FBH1: variants seen among roughly 807,000 people sequenced by gnomAD.
FBH1 encodes DNA 3'-5' helicase 1.
In FBH1, 43 loss-of-function variants were observed where a neutral mutation model predicts 115.5. The observed-to-expected ratio is 0.37, with a 90% CI of 0.29 to 0.48. FBH1 has a LOEUF of 0.48. Among genes scored for constraint, FBH1 ranks in the 20% least tolerant of loss-of-function variants. FBH1 has a pLI of 0.99. For synonymous variants in FBH1, 524 were observed against 507.8 expected (o/e 1.03, Z -0.43); for missense variants, 1,001 against 1,337.3 (o/e 0.75, Z 3.92).
intron 3 of FBH1, among the ~76,000 whole-genome samples, chr10:5,908,573 A>G (rs1442328215): frequency 6.7e-6 from 1 of 150,094 alleles, no homozygotes; most frequent in African/African-American, 2.4e-5. Flanking sequence ...AAGGTTATCT[A>G]TGTGTTTGTG....
intron 18 of FBH1, among the ~76,000 whole-genome samples, chr10:5,926,110 CTTATTCTTCTTA>C (rs1039891756): frequency 5.9e-4 from 75 of 127,532 alleles, no homozygotes; most frequent in Non-Finnish European, 1.1e-3. Context: ...TATTCTTATT[CTTATTCTTCTTA>C]TTATTATTAT....
chr10:5,894,562 T>C (rs1035776056), intron 1 of FBH1: 1 of 802,266 alleles, frequency 1.2e-6, no homozygotes, highest in Non-Finnish European at 2.3e-6. Flanking sequence ...GTAGGATTGC[T>C]TTGAGGGTCA....
At position 5,903,172 on chromosome 10, in the gene FBH1, A is replaced by T; in HGVS notation, c.154A>T (p.Arg52Trp). The change falls in exon 2 of 21, where the codon AGG becomes TGG. Residue 52 changes from arginine to tryptophan, a missense_variant. Coordinates refer to ENST00000362091, the MANE Select transcript of FBH1 (RefSeq NM_178150.3). Reference sequence around the variant, plus strand: ...TAAACCGAGAACAAAAAGAGGGAGTAGGGGTATGTCTCCTCTAAAACTCTT... The same window carrying T: ...TAAACCGAGAACAAAAAGAGGGAGTTGGGGTATGTCTCCTCTAAAACTCTT... ...YPKPRTKRGS[R>W]GQGSQRCIPE... 6.2e-7 allele frequency: 1 copy of T among 1,608,610 alleles called. No individual in the cohort carries two copies. The highest frequency in any genetic ancestry group is 8.5e-7 in the Non-Finnish European group (1 of 1,177,268).
At position 5,905,933 on chromosome 10, in the gene FBH1, C is replaced by A. The variant is rs960083843; in HGVS notation, c.158-104C>A. 5 of 777,304 alleles carry A rather than the reference C, an allele frequency of 6.4e-6. No homozygotes were observed. The African/African-American group carries it at 6.9e-5, about 11-fold the overall frequency. 48.2% of individuals were successfully genotyped at this position (777,304 alleles called of 1,614,324 possible). ...ATAAATGTGTTTTTATCTCTTTCCACTATTAACATAGATAATTGAAAATTA... is the reference window on the plus strand; with the variant it reads ...ATAAATGTGTTTTTATCTCTTTCCAATATTAACATAGATAATTGAAAATTA... On this transcript the variant is annotated intron_variant, in intron 2 of 20. Coordinates refer to ENST00000362091, the MANE Select transcript of FBH1 (RefSeq NM_178150.3).
At chr10:5,898,401 C>T (rs1027808158) in intron 1 of FBH1, among the ~76,000 whole-genome samples, 1 of 151,914 alleles carries the variant, frequency 6.6e-6, no homozygotes, top group Non-Finnish European at 1.5e-5. Context: ...TTATCACTTC[C>T]TAGAACCGCA....
rs1831387860 is a variant in FBH1, at chr10:5,908,997, A to G, written c.826A>G (p.Ile276Val). Residue 276 changes from isoleucine (I) to valine (V), a missense_variant, in exon 4 of 21, where the codon ATC becomes GTC. Ile to Val is a conservative substitution (Grantham distance 29). Coordinates refer to ENST00000362091, the MANE Select transcript of FBH1 (RefSeq NM_178150.3). ...GCAAGCTGTCAGCAAAGTGGACGGC[A>G]TCCTGTCTAACTGTGGCATAGAAAA... ...EEQAVSKVDG[I>V]LSNCGIEKES... 1.9e-6 allele frequency: 3 copies of G among 1,614,098 alleles called. No homozygotes were observed. The highest frequency in any genetic ancestry group is 1.7e-5 in the Admixed American group (1 of 60,008).
At chr10:5,905,034 T>G (rs923424217) in intron 2 of FBH1, among the ~76,000 whole-genome samples, 32 of 152,226 alleles carry the variant, frequency 2.1e-4, no homozygotes, top group African/African-American at 7.0e-4. Context: ...TTTGAAAATG[T>G]TCCCTATGTT....
Position 5,914,296 on chromosome 10 carries a change from AG to A in FBH1, c.1396+29del, listed in dbSNP as rs753073714. ...TAAGGGAGCCCACATCAGGTTCACG[AG>A]GTGGTGGTTTTCTGCCTTTTCTCCC... On this transcript the variant is annotated intron_variant, in intron 8 of 20. Transcript: ENST00000362091. The surrounding 1 kb of genome is among the most constrained non-coding windows in gnomAD (Gnocchi z 5.2). The A allele has an allele frequency of 3.7e-6, 6 of 1,606,076 alleles. No individual in the cohort carries two copies. The highest frequency in any genetic ancestry group is 4.3e-6 in the Non-Finnish European group (5 of 1,172,698).
chr10:5,900,215 G>A lies in FBH1; in HGVS notation c.2-2805G>A, dbSNP rs1470320116. Among the ~76,000 whole-genome samples, 1 of 152,236 alleles carries A rather than the reference G, an allele frequency of 6.6e-6. No individual in the cohort carries two copies. Among genetic ancestry groups the A allele is most frequent in the African/African-American group, 2.4e-5 (1 of 41,464 alleles). On this transcript the variant is annotated intron_variant, in intron 1 of 20. Coordinates refer to ENST00000362091, the MANE Select transcript of FBH1 (RefSeq NM_178150.3). The surrounding 1 kb of genome is among the most constrained non-coding windows in gnomAD (Gnocchi z 4.2). Reference sequence around the variant, plus strand: ...TAGGCAGGCTACTCACATAAGCCTTGTTAAATAGAGGAAACAGGTAAGTTT... The same window carrying A: ...TAGGCAGGCTACTCACATAAGCCTTATTAAATAGAGGAAACAGGTAAGTTT...
chr10:5,936,917 TTTGGGGGTG>T lies in FBH1; in HGVS notation c.2962-189_2962-181del. 1.6e-6 allele frequency: 1 copy of T among 634,478 alleles called. No individual in the cohort carries two copies. Among genetic ancestry groups the T allele is most frequent in the Non-Finnish European group, 2.7e-6 (1 of 370,024 alleles). 39.3% of individuals were successfully genotyped at this position (634,478 alleles called of 1,614,324 possible). On this transcript the variant is annotated intron_variant, in intron 20 of 20. Transcript: ENST00000362091. This position sits in a 1 kb window ranked among gnomAD's most constrained non-coding sequence, Gnocchi z 5.6. ...AATGACTGTTTCTGAGCTCAGGGAA[TTTGGGGGTG>T]TTGAGGCCACCTAGTTGGTGGTGCT...
intron 19 of FBH1, among the ~76,000 whole-genome samples, chr10:5,930,505 G>A (rs551372102): frequency 6.6e-6 from 1 of 152,328 alleles, no homozygotes; most frequent in Non-Finnish European, 1.5e-5. Flanking sequence ...GAAGTTAGCC[G>A]TAGAGGCTTG....
Position 5,916,476 on chromosome 10 carries a change from A to T in FBH1, c.1788+20A>T. ...AAACTGGTGAGTGTCTAAGTGTCTG[A>T]AGTGTTAGGGATCTGAGGATGGGGG... On this transcript the variant is annotated intron_variant, in intron 10 of 20. Transcript: ENST00000362091. 1.2e-6 allele frequency: 2 copies of T among 1,609,188 alleles called. No homozygotes were observed. The highest frequency in any genetic ancestry group is 1.7e-6 in the Non-Finnish European group (2 of 1,176,776).
At chr10:5,916,655 C>G (rs1343063150) in intron 10 of FBH1, among the ~76,000 whole-genome samples, 199 bp downstream of exon 10, 1 of 143,590 alleles carries the variant, frequency 7.0e-6, no homozygotes, top group African/African-American at 2.7e-5. Context: ...TGTTAGGGGT[C>G]TGAGGATGGG....
intron 13 of FBH1, among the ~76,000 whole-genome samples, chr10:5,920,187 C>A (rs750292188): frequency 6.6e-6 from 1 of 152,174 alleles, no homozygotes; most frequent in African/African-American, 2.4e-5. Flanking sequence ...GTAGGCTGCC[C>A]CTGTGCTGGG....
chr10:5,911,191 A>T lies in FBH1; in HGVS notation c.1211+63A>T. ...ATGGGAGAGTCCCAGACACAGCAGC[A>T]GGTCCAGCCCTGCCACTTAGCAGTG... On this transcript the variant is annotated intron_variant, in intron 6 of 20. Transcript: ENST00000362091. The surrounding 1 kb of genome is among the most constrained non-coding windows in gnomAD (Gnocchi z 5.4). 1 of 1,509,178 alleles carries T rather than the reference A, an allele frequency of 6.6e-7. No individual in the cohort carries two copies. Among genetic ancestry groups the T allele is most frequent in the Non-Finnish European group, 9.0e-7 (1 of 1,111,124 alleles). 93.5% of individuals were successfully genotyped at this position (1,509,178 alleles called of 1,614,324 possible).
Position 5,909,268 on chromosome 10 carries a change from C to T in FBH1, c.994C>T (p.Leu332Phe). ...PEAEACVRQH[L>F]PDLYAAAGGV... ...GGCTGAGGCGTGTGTGCGGCAACAC[C>T]TCCCCGACCTCTACGCTGCTGCCGG... Residue 332 changes from leucine to phenylalanine, a missense_variant, in exon 5 of 21, where the codon CTC becomes TTC. Around this residue, in one of 4 missense-constraint regions of FBH1, gnomAD observed 420 missense variants for 430.4 expected, o/e 0.98. Transcript: ENST00000362091. This position sits in a 1 kb window ranked among gnomAD's most constrained non-coding sequence, Gnocchi z 4.4. The T allele has an allele frequency of 6.2e-7, 1 of 1,611,578 alleles. No individual in the cohort carries two copies. The highest frequency in any genetic ancestry group is 8.5e-7 in the Non-Finnish European group (1 of 1,180,024).
In FBH1 at chr10:5,904,829, G is replaced by A. The variant is rs551804487; in HGVS notation, c.158-1208G>A. Reference sequence around the variant, plus strand: ...CAGATTGCCCAAGAAACAGTTAACCGTTATAATTTTTTTTTTAAATTTTAC... The same window carrying A: ...CAGATTGCCCAAGAAACAGTTAACCATTATAATTTTTTTTTTAAATTTTAC... On this transcript the variant is annotated intron_variant, in intron 2 of 20. Transcript: ENST00000362091. Among the ~76,000 whole-genome samples the A allele has an allele frequency of 1.5e-4, 23 of 152,076 alleles. No homozygotes were observed. The South Asian group carries it at 1.7e-3, about 11-fold the overall frequency.
intron 1 of FBH1, among the ~76,000 whole-genome samples, chr10:5,901,657 C>T (rs754192193): frequency 4.6e-5 from 7 of 151,610 alleles, no homozygotes; most frequent in East Asian, 1.9e-4. Context: ...CTCCGCCTCC[C>T]GGGTTCAAGT....
chr10:5,913,832 T>G lies in FBH1; in HGVS notation c.1297T>G (p.Trp433Gly), dbSNP rs1313446432. ...AAAAGTTAAAGAGGAGCCATCTGTC[T>G]GGCCAGGGTATGTGTATATGTGCGT... ...ATKVKEEPSV[W>G]PGKKTIQLTH... is the part of the protein sequence containing the mutation. The change falls in exon 7 of 21, where the codon TGG becomes GGG. Residue 433 changes from tryptophan to glycine, a missense_variant. Around this residue, in one of 4 missense-constraint regions of FBH1, gnomAD observed 521 missense variants for 811.0 expected, o/e 0.64. Transcript: ENST00000362091. This position sits in a 1 kb window ranked among gnomAD's most constrained non-coding sequence, Gnocchi z 4.4. The G allele has an allele frequency of 6.3e-7, 1 of 1,599,188 alleles. No individual in the cohort carries two copies. The highest frequency in any genetic ancestry group is 8.5e-7 in the Non-Finnish European group (1 of 1,175,744).
Sources: allele counts gnomAD v4.1 joint callset (sites outside exome capture counted in the v4.1 genomes callset), GRCh38; gene constraint gnomAD v4.1.1; regional missense constraint gnomAD v4.1.1; non-coding constraint Gnocchi (gnomAD v3.1); transcripts MANE v1.5; gene names NCBI Gene and HGNC (gene_info 2026-07-23, HGNC 2026-07-21).